Variants in ZNF260 observed in about 807,000 individuals in gnomAD.
The protein encoded by ZNF260 is zfp-260.
ZNF260 carries 21 observed loss-of-function variants against 29.3 expected under a neutral mutation model. The ratio of observed to expected loss-of-function variants is 0.72; its 90% CI spans 0.51 to 1.03. ZNF260 has a LOEUF of 1.03. Among genes scored for constraint, ZNF260 ranks in the 50% least tolerant of loss-of-function variants. The probability of loss-of-function intolerance (pLI) is 0.00; values close to 1 mark genes in which losing one functional copy is unlikely to be tolerated. For synonymous variants in ZNF260, 156 were observed against 156.8 expected, an observed-to-expected ratio of 0.99 and a Z score of 0.04; for missense variants, 465 against 487.8, an observed-to-expected ratio of 0.95 and a Z score of 0.44.
In ZNF260 at chr19:36,514,271, A is replaced by C. The variant is rs747215641; in HGVS notation, c.968T>G (p.Val323Gly). The change falls in exon 3 of 3, where the codon GTG becomes GGG. Residue 323 changes from valine to glycine, a missense_variant. By Grantham distance (109) the Val-to-Gly change is moderately radical. Coordinates refer to ENST00000523638, the MANE Select transcript of ZNF260 (RefSeq NM_001166037.2). ...AGGCTTATCACCTGTATGAATTCTC[A>C]CATGTACAATAAGTGATGTGATTCG... ...FSRITSLIVH[V>G]RIHTGDKPYE... 10 of 1,614,030 alleles carry C rather than the reference A, an allele frequency of 6.2e-6. No individual in the cohort carries two copies. Among genetic ancestry groups the C allele is most frequent in the Non-Finnish European group, 8.5e-6 (10 of 1,179,986 alleles).
chr19:36,511,260 C>T lies in ZNF260; in HGVS notation c.*2740G>A, dbSNP rs2034447198. On this transcript the variant is annotated 3_prime_UTR_variant, in exon 3 of 3. Transcript: ENST00000523638. ...AAACATCAGGCCGGGCACGGTGGCT[C>T]ACGCCTGTAATCCCAGCACTTCGGG... 1 of 152,222 alleles carries T rather than the reference C, an allele frequency of 6.6e-6. No individual in the cohort carries two copies. Among genetic ancestry groups the T allele is most frequent in the Admixed American group, 6.5e-5 (1 of 15,270 alleles). The allele number at this position is 152,222 out of a possible 1,614,324, so 9.4% of individuals were successfully genotyped here.
chr19:36,527,533 G>T (rs2034756198), intron 1 of ZNF260, among the ~76,000 whole-genome samples: 2 of 152,122 alleles, frequency 1.3e-5, no homozygotes, highest in Non-Finnish European at 2.9e-5. Flanking sequence ...CCTCACTGAC[G>T]AACTAGGGAG....
intron 2 of ZNF260, among the ~76,000 whole-genome samples, chr19:36,516,072 A>G (rs939455095): frequency 3.3e-5 from 5 of 152,018 alleles, no homozygotes; most frequent in African/African-American, 1.2e-4. Context: ...AGGTTTCTCC[A>G]TGTGGGCCAG....
At chr19:36,516,886 C>T (rs2034560948) in intron 2 of ZNF260, among the ~76,000 whole-genome samples, 1 of 152,012 alleles carries the variant, frequency 6.6e-6, no homozygotes, top group Non-Finnish European at 1.5e-5. Flanking sequence ...CCGACTTGGT[C>T]TTTAAAACAT....
At chr19:36,519,922 G>A (rs897605798) in intron 2 of ZNF260, among the ~76,000 whole-genome samples, 4 of 151,980 alleles carry the variant, frequency 2.6e-5, no homozygotes, top group South Asian at 2.1e-4. Flanking sequence ...AAAACAGACC[G>A]GGTGTGGTGA....
chr19:36,516,147 C>T (rs547800442), intron 2 of ZNF260, among the ~76,000 whole-genome samples: 1 of 152,308 alleles, frequency 6.6e-6, no homozygotes, highest in Non-Finnish European at 1.5e-5. Flanking sequence ...GCTGGGATTA[C>T]AGGCATAAGC....
rs757539375 is a variant in ZNF260 at position 36,514,275 on chromosome 19, G to A, written c.964C>T (p.His322Tyr). ...AFSRITSLIV[H>Y]VRIHTGDKPY... ...TTATCACCTGTATGAATTCTCACAT[G>A]TACAATAAGTGATGTGATTCGAGAG... is the stretch of plus-strand genomic sequence containing the variant. The change falls in exon 3 of 3, where the codon CAT becomes TAT. Residue 322 changes from histidine (H) to tyrosine (Y), a missense_variant. By Grantham distance (83) the His-to-Tyr change is moderately conservative. Coordinates refer to ENST00000523638, the MANE Select transcript of ZNF260 (RefSeq NM_001166037.2). 5 of 1,614,106 alleles carry A rather than the reference G, an allele frequency of 3.1e-6. No individual in the cohort carries two copies. The highest frequency in any genetic ancestry group is 2.2e-5 in the East Asian group (1 of 44,868).
chr19:36,517,765 T>C (rs917675151), intron 2 of ZNF260, among the ~76,000 whole-genome samples: 3 of 152,124 alleles, frequency 2.0e-5, no homozygotes, highest in Non-Finnish European at 4.4e-5. Context: ...GCTCTTCTAC[T>C]GTTAGAGTCC....
chr19:36,524,204 C>G (rs1330807364), intron 2 of ZNF260, among the ~76,000 whole-genome samples: 16 of 152,082 alleles, frequency 1.1e-4, no homozygotes, highest in Non-Finnish European at 1.9e-4. Flanking sequence ...TAGACAGAGT[C>G]TCACTCTGTT....
At chr19:36,527,450 A>C (rs1241547492) in intron 1 of ZNF260, among the ~76,000 whole-genome samples, 2 of 152,224 alleles carry the variant, frequency 1.3e-5, no homozygotes, top group Non-Finnish European at 2.9e-5. Flanking sequence ...CTTTGTATAC[A>C]CAAGAAAAGA....
rs2034474970 is a variant in ZNF260 at position 36,512,894 on chromosome 19, T to C, written c.*1106A>G. On this transcript the variant is annotated 3_prime_UTR_variant, in exon 3 of 3. Coordinates refer to ENST00000523638, the MANE Select transcript of ZNF260 (RefSeq NM_001166037.2). ...ACCAGTACATGACTCCCTGTGTTCATGTTTCTTGGGTAGATGCATATATAT... is the reference window on the plus strand; with the variant it reads ...ACCAGTACATGACTCCCTGTGTTCACGTTTCTTGGGTAGATGCATATATAT... The C allele has an allele frequency of 6.6e-6, 1 of 152,182 alleles. No homozygotes were observed. The allele number at this position is 152,182 out of a possible 1,614,324, so 9.4% of individuals were successfully genotyped here.
intron 2 of ZNF260, among the ~76,000 whole-genome samples, chr19:36,520,430 T>C (rs1392160721): frequency 6.6e-6 from 1 of 151,896 alleles, no homozygotes; most frequent in Non-Finnish European, 1.5e-5. Context: ...CCCATGCAAA[T>C]AGAAAACTTA....
At chr19:36,519,476 G>A (rs1258486440) in intron 2 of ZNF260, among the ~76,000 whole-genome samples, 1 of 152,000 alleles carries the variant, frequency 6.6e-6, no homozygotes, top group Non-Finnish European at 1.5e-5. Context: ...TAGTAACTGA[G>A]AAAACAACCA....
At chr19:36,526,588 G>A (rs1428001556) in intron 1 of ZNF260, among the ~76,000 whole-genome samples, 1 of 151,992 alleles carries the variant, frequency 6.6e-6, no homozygotes, top group Non-Finnish European at 1.5e-5. Context: ...TATAACCTAT[G>A]CACATCCTCC....
intron 2 of ZNF260, among the ~76,000 whole-genome samples, chr19:36,522,184 G>A (rs1473138157): frequency 2.0e-5 from 3 of 152,140 alleles, no homozygotes; most frequent in Non-Finnish European, 4.4e-5. Context: ...GCCAGGCTCG[G>A]TGGCTCACGC....
At chr19:36,517,772 G>C (rs1255641503) in intron 2 of ZNF260, among the ~76,000 whole-genome samples, 1 of 152,036 alleles carries the variant, frequency 6.6e-6, no homozygotes, top group African/African-American at 2.4e-5. Flanking sequence ...TACTGTTAGA[G>C]TCCGAGAATG....
At position 36,513,667 on chromosome 19, in the gene ZNF260, T is replaced by C. The variant is rs2034488625; in HGVS notation, c.*333A>G. 2.4e-6 allele frequency: 1 copy of C among 415,604 alleles called. No individual in the cohort carries two copies. Among genetic ancestry groups the C allele is most frequent in the Non-Finnish European group, 4.3e-6 (1 of 234,310 alleles). 25.7% of individuals were successfully genotyped at this position (415,604 alleles called of 1,614,324 possible). A position where few individuals can be genotyped will look rare whatever the true frequency, so the allele number is the denominator to read the frequency against. ...ATCACAAAAATGATAATTTTGTCTC[T>C]TAATTTCAAATCCTCATACATCTCA... is the stretch of plus-strand genomic sequence containing the variant. On this transcript the variant is annotated 3_prime_UTR_variant, in exon 3 of 3. Transcript: ENST00000523638.
In ZNF260 at chr19:36,514,068, T is replaced by C. The variant is rs1247171577; in HGVS notation, c.1171A>G (p.Ser391Gly). The part of the protein sequence containing the change: ...IHTGEKPYQC[S>G]ECGKAFSQKS... ...TGGCTGAAAGCTTTCCCACATTCAC[T>C]ACACTGATAAGGTTTTTCACCAGTA... Residue 391 changes from serine (S) to glycine (G), a missense_variant, in exon 3 of 3, where the codon AGT becomes GGT. Physicochemically the swap from Ser to Gly is moderately conservative, Grantham distance 56 (BLOSUM62 0). Coordinates refer to ENST00000523638, the MANE Select transcript of ZNF260 (RefSeq NM_001166037.2). The C allele has an allele frequency of 5.6e-6, 9 of 1,613,944 alleles. No individual in the cohort carries two copies. In the East Asian group the frequency reaches 1.8e-4, roughly 32 times the overall value.
rs1319877690 is a variant in ZNF260 at position 36,510,716 on chromosome 19, A to G, written c.*3284T>C. 1 of 152,232 alleles carries G rather than the reference A, an allele frequency of 6.6e-6. No homozygotes were observed. The highest frequency in any genetic ancestry group is 1.5e-5 in the Non-Finnish European group (1 of 68,040). 9.4% of individuals were successfully genotyped at this position (152,232 alleles called of 1,614,324 possible). A position where few individuals can be genotyped will look rare whatever the true frequency, so the allele number is the denominator to read the frequency against. On this transcript the variant is annotated 3_prime_UTR_variant, in exon 3 of 3. Coordinates refer to ENST00000523638, the MANE Select transcript of ZNF260 (RefSeq NM_001166037.2). ...GGGTGATTACATGAATTTTTATTGTACCATTTCTTATGGTGGCAAATAAGC... is the reference window on the plus strand; with the variant it reads ...GGGTGATTACATGAATTTTTATTGTGCCATTTCTTATGGTGGCAAATAAGC...
Sources: allele counts gnomAD v4.1 joint callset (sites outside exome capture counted in the v4.1 genomes callset), GRCh38; gene constraint gnomAD v4.1.1; transcripts MANE v1.5; gene names NCBI Gene and HGNC (gene_info 2026-07-23, HGNC 2026-07-21).